AKAP7: variants seen among roughly 807,000 people sequenced by gnomAD.
The protein encoded by AKAP7 is A-kinase anchoring protein 7.
In AKAP7, 39 loss-of-function variants were observed where a neutral mutation model predicts 39.5. That is an observed-to-expected ratio of 0.99 (90% CI 0.76 to 1.29). The LOEUF is 1.29. Ranked by LOEUF, AKAP7 falls within the 50% of genes most tolerant of loss-of-function variation. The probability of loss-of-function intolerance (pLI) is 0.00; values close to 1 mark genes in which losing one functional copy is unlikely to be tolerated. For missense variants in AKAP7, 414 were observed against 407.7 expected (o/e 1.02, Z -0.13); for synonymous variants, 140 against 139.1 (o/e 1.01, Z -0.05).
At chr6:131,224,671 T>C (rs937032540) in intron 7 of AKAP7, among the ~76,000 whole-genome samples, 1 of 146,294 alleles carries the variant, frequency 6.8e-6, no homozygotes, top group African/African-American at 2.5e-5. Flanking sequence ...ATTTAAGACA[T>C]CTTAAAAAAA....
At chr6:131,201,044 T>C (rs1452250035) in intron 6 of AKAP7, 1 of 152,224 alleles carries the variant, frequency 6.6e-6, no homozygotes, top group African/African-American at 2.4e-5. Context: ...AAATGATTTA[T>C]TGGCAGTTAA....
intron 7 of AKAP7, among the ~76,000 whole-genome samples, chr6:131,225,208 G>T (rs1422762827): frequency 6.6e-6 from 1 of 152,094 alleles, no homozygotes; most frequent in Non-Finnish European, 1.5e-5. Flanking sequence ...ATGAATTCTT[G>T]TAGTTGGTCT....
At chr6:131,237,335 G>C (rs1811157719) in intron 7 of AKAP7, among the ~76,000 whole-genome samples, 8 of 152,090 alleles carry the variant, frequency 5.3e-5, no homozygotes, top group Admixed American at 5.2e-4. Context: ...TTTTTGCATT[G>C]ATATTCATCA....
At chr6:131,240,131 G>A (rs2128312090) in intron 7 of AKAP7, among the ~76,000 whole-genome samples, 1 of 152,340 alleles carries the variant, frequency 6.6e-6, no homozygotes, top group East Asian at 1.9e-4. Flanking sequence ...TAACAGTCAG[G>A]ATCCTCAGCT....
At position 131,182,605 on chromosome 6, in the gene AKAP7, A is replaced by G. The variant is rs566027253; in HGVS notation, c.589+13332A>G. ...TATTGTGAATAATGCAGCTATGAAC[A>G]TGGATGTATAAATATCTCTTCAAGA... On this transcript the variant is annotated intron_variant, in intron 5 of 7. Coordinates refer to ENST00000431975, the MANE Select transcript of AKAP7 (RefSeq NM_016377.4). 4.6e-5 allele frequency among the ~76,000 whole-genome samples: 7 copies of G among 152,332 alleles called. No individual in the cohort carries two copies. The South Asian group carries it at 1.5e-3, about 32-fold the overall frequency.
In AKAP7 at chr6:131,219,762, A is replaced by C; in HGVS notation, c.804A>C (p.Lys268Asn). 2.5e-6 allele frequency: 4 copies of C among 1,595,182 alleles called. No homozygotes were observed. In the East Asian group the frequency reaches 9.2e-5, roughly 37 times the overall value. ...YRIDLCSMLK[K>N]KQSNGYYHCE... ...TAGATCTTTGCTCCATGCTGAAGAA[A>C]AAACAAAGTAATGGTTATTATCACT... The change falls in exon 7 of 8, where the codon AAA becomes AAC. Residue 268 changes from lysine (K) to asparagine (N), a missense_variant. By Grantham distance (94) the Lys-to-Asn change is moderately conservative. Coordinates refer to ENST00000431975, the MANE Select transcript of AKAP7 (RefSeq NM_016377.4).
At chr6:131,166,359 A>G (rs1803492735) in intron 4 of AKAP7, among the ~76,000 whole-genome samples, 1 of 150,990 alleles carries the variant, frequency 6.6e-6, no homozygotes, top group South Asian at 2.1e-4. Flanking sequence ...AGAAGGGAGT[A>G]GTGCTCTGTG....
chr6:131,204,020 C>A (rs1191524026), intron 6 of AKAP7, among the ~76,000 whole-genome samples: 3 of 152,048 alleles, frequency 2.0e-5, no homozygotes, highest in Non-Finnish European at 4.4e-5. Context: ...ATACTCCCAA[C>A]CGTGGTGTAT....
At chr6:131,216,760 AAATGT>A (rs1809219297) in intron 6 of AKAP7, among the ~76,000 whole-genome samples, 2 of 152,172 alleles carry the variant, frequency 1.3e-5, no homozygotes, top group Non-Finnish European at 2.9e-5. Context: ...TGCATAATTG[AAATGT>A]CACTTATACT....
chr6:131,224,127 C>A (rs377446716), intron 7 of AKAP7, among the ~76,000 whole-genome samples: 3 of 152,044 alleles, frequency 2.0e-5, no homozygotes, highest in Non-Finnish European at 2.9e-5. Context: ...TCACATTTGG[C>A]GATGACAATA....
chr6:131,230,119 G>A (rs1322349806), intron 7 of AKAP7, among the ~76,000 whole-genome samples: 1 of 152,116 alleles, frequency 6.6e-6, no homozygotes, highest in Non-Finnish European at 1.5e-5. Context: ...CCCAGTAATG[G>A]GATTTCTGGG....
chr6:131,252,975 T>C, intron 7 of AKAP7: 2 of 1,561,248 alleles, frequency 1.3e-6, no homozygotes, highest in Non-Finnish European at 1.8e-6. Context: ...GCCCAAATTA[T>C]GGAGAATTTG....
At chr6:131,162,979 G>A (rs988878038) in intron 3 of AKAP7, among the ~76,000 whole-genome samples, 19 of 150,880 alleles carry the variant, frequency 1.3e-4, no homozygotes, top group Middle Eastern at 3.4e-3. Context: ...GAGTAGGTGC[G>A]CACACATACA....
chr6:131,275,174 T>C (rs935248097), intron 7 of AKAP7, among the ~76,000 whole-genome samples: 2 of 152,230 alleles, frequency 1.3e-5, no homozygotes, highest in Non-Finnish European at 2.9e-5. Flanking sequence ...ATTGGGCATA[T>C]TATTTTTAAA....
chr6:131,274,426 G>A (rs1814572606), intron 7 of AKAP7, among the ~76,000 whole-genome samples: 1 of 151,902 alleles, frequency 6.6e-6, no homozygotes, highest in African/African-American at 2.4e-5. Flanking sequence ...AACTCTTGTT[G>A]TAATATGCAC....
intron 7 of AKAP7, among the ~76,000 whole-genome samples, chr6:131,280,938 T>C (rs1815147097): frequency 6.6e-6 from 1 of 152,188 alleles, no homozygotes; most frequent in African/African-American, 2.4e-5. Flanking sequence ...ATTTCCTATT[T>C]CTTAAATTGC....
At position 131,170,441 on chromosome 6, in the gene AKAP7, T is replaced by G. The variant is rs117444055; in HGVS notation, c.589+1168T>G. Among the ~76,000 whole-genome samples, 19 of 152,332 alleles carry G rather than the reference T, an allele frequency of 1.2e-4. No homozygotes were observed. The East Asian group carries it at 3.3e-3, about 26-fold the overall frequency. On this transcript the variant is annotated intron_variant, in intron 5 of 7. Coordinates refer to ENST00000431975, the MANE Select transcript of AKAP7 (RefSeq NM_016377.4). ...TGCTTTGGTAGTAATCTAACCGTATTGTCCTTTCAGTAATGCATCCTTTGG... is the reference window on the plus strand; with the variant it reads ...TGCTTTGGTAGTAATCTAACCGTATGGTCCTTTCAGTAATGCATCCTTTGG...
At chr6:131,272,969 A>T (rs954608080) in intron 7 of AKAP7, among the ~76,000 whole-genome samples, 6 of 152,150 alleles carry the variant, frequency 3.9e-5, no homozygotes, top group Admixed American at 3.9e-4. Context: ...ATCATCTATT[A>T]ACCTTTTAGT....
intron 6 of AKAP7, among the ~76,000 whole-genome samples, chr6:131,204,947 G>T (rs992299539): frequency 6.6e-6 from 1 of 152,164 alleles, no homozygotes; most frequent in African/African-American, 2.4e-5. Context: ...GTCTGGAAAT[G>T]ATTTTATGTA....
Sources: allele counts gnomAD v4.1 joint callset (sites outside exome capture counted in the v4.1 genomes callset), GRCh38; gene constraint gnomAD v4.1.1; transcripts MANE v1.5; gene names NCBI Gene and HGNC (gene_info 2026-07-23, HGNC 2026-07-21).